ZAR1: variants seen among roughly 807,000 people sequenced by gnomAD.
ZAR1 encodes zygote arrest 1.
In ZAR1, 37 loss-of-function variants were observed where a neutral mutation model predicts 38.3. That is an observed-to-expected ratio of 0.97 (90% CI 0.74 to 1.27). The LOEUF (loss-of-function observed/expected upper bound fraction) is 1.27, where lower values mean the gene tolerates loss of function less well. Among genes scored for constraint, ZAR1 ranks in the 50% most tolerant of loss-of-function variants. ZAR1 has a pLI of 0.00. For synonymous variants in ZAR1, 336 were observed against 292.0 expected, an observed-to-expected ratio of 1.15 and a Z score of -1.53; for missense variants, 651 against 632.4, an observed-to-expected ratio of 1.03 and a Z score of -0.32.
chr4:48,491,001 C>T lies in ZAR1; in HGVS notation c.710C>T (p.Pro237Leu). 7.3e-7 allele frequency: 1 copy of T among 1,361,866 alleles called. No individual in the cohort carries two copies. Among genetic ancestry groups the T allele is most frequent in the Non-Finnish European group, 9.4e-7 (1 of 1,062,528 alleles). 84.4% of individuals were successfully genotyped at this position (1,361,866 alleles called of 1,614,324 possible). A position where few individuals can be genotyped will look rare whatever the true frequency, so the allele number is the denominator to read the frequency against. ...EVWTKKAPRR[P>L]QSDDDGEAQA... is the part of the protein sequence containing the mutation. ...TGGACGAAGAAGGCGCCCCGGCGGC[C>T]GCAGTCCGACGACGACGGCGAGGCC... The change falls in exon 1 of 4, where the codon CCG becomes CTG. Residue 237 changes from proline (P) to leucine (L), a missense_variant. By Grantham distance (98) the Pro-to-Leu change is moderately conservative. Coordinates refer to ENST00000327939, the MANE Select transcript of ZAR1 (RefSeq NM_175619.3).
chr4:48,494,387 C>T lies in ZAR1; in HGVS notation c.*143C>T, dbSNP rs1025537255. 12 of 1,022,046 alleles carry T rather than the reference C, an allele frequency of 1.2e-5. No individual in the cohort carries two copies. The highest frequency in any genetic ancestry group is 9.7e-5 in the African/African-American group (6 of 62,084). The allele number at this position is 1,022,046 out of a possible 1,614,324, so 63.3% of individuals were successfully genotyped here. The stretch of plus-strand genomic sequence containing the variant: ...GCCTTCAAATAAAGGTATTGCAACA[C>T]GATTTATACATTGCATAAAATCTGT... On this transcript the variant is annotated 3_prime_UTR_variant, in exon 4 of 4. Transcript: ENST00000327939.
Position 48,490,845 on chromosome 4 carries a change from T to A in ZAR1, c.554T>A (p.Leu185Gln). ...CGCACCGTCGCCGTGTACTCGCCCC[T>A]GGCCTTGCGCCGTCTCACCGCCTTC... ...FPRTVAVYSP[L>Q]ALRRLTAFLE... is the part of the protein sequence containing the mutation. Residue 185 changes from leucine to glutamine, a missense_variant, in exon 1 of 4, where the codon CTG becomes CAG. Leu to Gln is a moderately radical substitution (Grantham distance 113, BLOSUM62 -2). Coordinates refer to ENST00000327939, the MANE Select transcript of ZAR1 (RefSeq NM_175619.3). 6.7e-7 allele frequency: 1 copy of A among 1,490,942 alleles called. No homozygotes were observed. The highest frequency in any genetic ancestry group is 2.8e-5 in the East Asian group (1 of 35,156). The allele number at this position is 1,490,942 out of a possible 1,614,324, so 92.4% of individuals were successfully genotyped here.
chr4:48,495,594 C>T (rs1261705830), downstream of ZAR1, among the ~76,000 whole-genome samples: 1 of 152,200 alleles, frequency 6.6e-6, no homozygotes, highest in Non-Finnish European at 1.5e-5. Context: ...GAAGAGGTGG[C>T]ATCTCATGGA....
intron 3 of ZAR1, among the ~76,000 whole-genome samples, chr4:48,493,653 C>CT (rs1036877549): frequency 1.5e-4 from 23 of 152,210 alleles, no homozygotes; most frequent in African/African-American, 5.3e-4. Flanking sequence ...AATCAATACA[C>CT]TTGACCCACG....
At chr4:48,491,382 T>C in intron 1 of ZAR1, 128 bp downstream of exon 1, 1 of 675,966 alleles carries the variant, frequency 1.5e-6, no homozygotes. Flanking sequence ...ACTTCCGTAT[T>C]TCCGAGACAG....
Position 48,492,851 on chromosome 4 carries a change from C to CT in ZAR1, c.1050dup (p.Asn351Ter), listed in dbSNP as rs759755275. On this transcript the variant is annotated frameshift_variant, in exon 2 of 4. Transcript: ENST00000327939. LOFTEE classifies it high-confidence loss of function. ...GCTTATGTGTGGTGTGTACAGGGAA[C>CT]TAACAAGGTAAGAAATACCAGGTAA... 6.2e-7 allele frequency: 1 copy of CT among 1,614,172 alleles called. No individual in the cohort carries two copies. Among genetic ancestry groups the CT allele is most frequent in the Non-Finnish European group, 8.5e-7 (1 of 1,180,020 alleles).
In ZAR1 at chr4:48,490,354, G is replaced by C. The variant is rs776057525; in HGVS notation, c.63G>C (p.Ser21=). The change falls in exon 1 of 4, where the codon TCG becomes TCC. Residue 21 remains serine (S), a synonymous_variant. Coordinates refer to ENST00000327939, the MANE Select transcript of ZAR1 (RefSeq NM_175619.3). ...TGTTCCCGGCGTGCCCCCCCTGCTC[G>C]TACCGGTACCCATACCCCGCGGCCA... is the stretch of plus-strand genomic sequence containing the variant. ...GYVFPACPPC[S]YRYPYPAATK... is the part of the protein sequence containing the mutation. 10 of 1,512,012 alleles carry C rather than the reference G, an allele frequency of 6.6e-6. No homozygotes were observed. Among genetic ancestry groups the C allele is most frequent in the African/African-American group, 1.4e-5 (1 of 69,298 alleles). The allele number at this position is 1,512,012 out of a possible 1,614,324, so 93.7% of individuals were successfully genotyped here. A position where few individuals can be genotyped will look rare whatever the true frequency, so the allele number is the denominator to read the frequency against.
intron 1 of ZAR1, 25 bp downstream of exon 1, chr4:48,491,279 C>CA: frequency 8.1e-7 from 1 of 1,230,290 alleles, no homozygotes; most frequent in South Asian, 4.1e-5. Flanking sequence ...GGTCAGGGCA[C>CA]AGGGGAGCCC....
chr4:48,496,270 T>C (rs1483578578), downstream of ZAR1, among the ~76,000 whole-genome samples: 1 of 152,094 alleles, frequency 6.6e-6, no homozygotes, highest in Non-Finnish European at 1.5e-5. Flanking sequence ...GGCGATGTGT[T>C]TTTTACTGGT....
In ZAR1 at chr4:48,494,291, A is replaced by G. The variant is rs1177103298; in HGVS notation, c.*47A>G. On this transcript the variant is annotated 3_prime_UTR_variant, in exon 4 of 4. Transcript: ENST00000327939. ...CATGCGCTGATGGAGTAGACGAGTG[A>G]GCTTTTCCGTGCCTCTCCTCCACCT... is the stretch of plus-strand genomic sequence containing the variant. 1 of 1,599,266 alleles carries G rather than the reference A, an allele frequency of 6.3e-7. No individual in the cohort carries two copies. Among genetic ancestry groups the G allele is most frequent in the Non-Finnish European group, 8.5e-7 (1 of 1,169,776 alleles).
chr4:48,492,128 G>A (rs1383575633), intron 1 of ZAR1, among the ~76,000 whole-genome samples: 1 of 152,158 alleles, frequency 6.6e-6, no homozygotes, highest in Non-Finnish European at 1.5e-5. Flanking sequence ...AACCTTCCTG[G>A]ACTTAGCGCA....
Position 48,490,944 on chromosome 4 carries a change from C to T in ZAR1, c.653C>T (p.Ala218Val), listed in dbSNP as rs1465470050. Residue 218 changes from alanine (A) to valine (V), a missense_variant, in exon 1 of 4, where the codon GCG becomes GTG. Ala to Val is a moderately conservative substitution (Grantham distance 64). Transcript: ENST00000327939. ...ASDGERGPPP[A>V]RLQGPEEGEV... Reference sequence around the variant, plus strand: ...GACGGAGAGAGGGGGCCGCCGCCCGCGCGGCTTCAAGGCCCAGAGGAGGGG... The same window carrying T: ...GACGGAGAGAGGGGGCCGCCGCCCGTGCGGCTTCAAGGCCCAGAGGAGGGG... 1 of 1,341,172 alleles carries T rather than the reference C, an allele frequency of 7.5e-7. No individual in the cohort carries two copies. The highest frequency in any genetic ancestry group is 1.8e-5 in the South Asian group (1 of 54,560). The allele number at this position is 1,341,172 out of a possible 1,614,324, so 83.1% of individuals were successfully genotyped here. A position where few individuals can be genotyped will look rare whatever the true frequency, so the allele number is the denominator to read the frequency against.
At position 48,490,373 on chromosome 4, in the gene ZAR1, G is replaced by C. The variant is rs764464441; in HGVS notation, c.82G>C (p.Ala28Pro). ...CTGCTCGTACCGGTACCCATACCCC[G>C]CGGCCACCAAGGGCAAGGGCGCGGC... Reference protein sequence around the residue: ...PPCSYRYPYPAATKGKGAAGG... With the variant: ...PPCSYRYPYPPATKGKGAAGG... Residue 28 changes from alanine to proline, a missense_variant, in exon 1 of 4, where the codon GCG becomes CCG. Coordinates refer to ENST00000327939, the MANE Select transcript of ZAR1 (RefSeq NM_175619.3). The C allele has an allele frequency of 2.7e-6, 4 of 1,504,624 alleles. No individual in the cohort carries two copies. Among genetic ancestry groups the C allele is most frequent in the Non-Finnish European group, 2.6e-6 (3 of 1,133,286 alleles). The allele number at this position is 1,504,624 out of a possible 1,614,324, so 93.2% of individuals were successfully genotyped here.
chr4:48,492,935 C>T lies in ZAR1; in HGVS notation c.1057-3C>T. On this transcript the variant is annotated splice_polypyrimidine_tract_variant and splice_region_variant and intron_variant, in intron 2 of 3. Transcript: ENST00000327939. ...TTTAAGTTTATCCTCTTTGTCATCA[C>T]AGGTTTACTTCAAACAGTTTTGCAG... 1 of 1,614,210 alleles carries T rather than the reference C, an allele frequency of 6.2e-7. No homozygotes were observed.
chr4:48,495,651 A>G (rs1460213927), downstream of ZAR1, among the ~76,000 whole-genome samples: 5 of 152,228 alleles, frequency 3.3e-5, no homozygotes, highest in East Asian at 9.6e-4. Flanking sequence ...ATATAAATGT[A>G]AAACTGAGGT....
chr4:48,490,462 C>A lies in ZAR1; in HGVS notation c.171C>A (p.Gly57=), dbSNP rs1269221229. ...CLPASSPCSA[G]AASLSFPGCG... ...CCGCCTCCTCCCCCTGCTCGGCGGG[C>A]GCGGCCTCGTTGTCCTTCCCGGGCT... Residue 57 remains glycine (G), a synonymous_variant, in exon 1 of 4, where the codon GGC becomes GGA. Transcript: ENST00000327939. The A allele has an allele frequency of 6.8e-7, 1 of 1,465,238 alleles. No homozygotes were observed. Among genetic ancestry groups the A allele is most frequent in the Non-Finnish European group, 8.9e-7 (1 of 1,118,184 alleles). The allele number at this position is 1,465,238 out of a possible 1,614,324, so 90.8% of individuals were successfully genotyped here.
intron 3 of ZAR1, 103 bp downstream of exon 3, chr4:48,493,115 G>A: frequency 9.9e-7 from 1 of 1,008,876 alleles, no homozygotes; most frequent in Non-Finnish European, 1.5e-6. Context: ...CCAGACCTTA[G>A]GTTTCAACTG....
intron 1 of ZAR1, among the ~76,000 whole-genome samples, 180 bp downstream of exon 1, chr4:48,491,434 A>G (rs1302666218): frequency 6.6e-6 from 1 of 152,154 alleles, no homozygotes; most frequent in African/African-American, 2.4e-5. Flanking sequence ...GCACAGTCTC[A>G]TGTCCCCGAC....
At chr4:48,493,312 T>C (rs1560483178) in intron 3 of ZAR1, among the ~76,000 whole-genome samples, 1 of 152,234 alleles carries the variant, frequency 6.6e-6, no homozygotes, top group Non-Finnish European at 1.5e-5. Flanking sequence ...AACAAAAACA[T>C]GCTTGTCAGC....
Sources: gnomAD v4.1 joint callset for allele counts (sites outside exome capture counted in the v4.1 genomes callset) on GRCh38, gnomAD v4.1.1 for gene constraint, MANE v1.5 for transcripts, NCBI Gene and HGNC (gene_info 2026-07-23, HGNC 2026-07-21) for gene names.